The following OLFML2A variants were observed in gnomAD, a reference collection of about 807,000 sequenced individuals.
OLFML2A encodes the protein olfactomedin-like protein 2A.
Under a neutral mutation model 60.9 loss-of-function variants are expected in OLFML2A, and 47 were observed. The observed-to-expected ratio is 0.77, with a 90% confidence interval of 0.61 to 0.98. The LOEUF is 0.98. Among genes scored for constraint, OLFML2A ranks in the 50% least tolerant of loss-of-function variants. OLFML2A has a pLI of 0.00. For synonymous variants in OLFML2A, 372 were observed against 375.0 expected (o/e 0.99, Z 0.09); for missense variants, 922 against 879.8 (o/e 1.05, Z -0.61).
rs1842026994 is a variant in OLFML2A, at chr9:124,811,754, C to T, written c.*1342C>T. 1 of 152,232 alleles carries T rather than the reference C, an allele frequency of 6.6e-6. No individual in the cohort carries two copies. The highest frequency in any genetic ancestry group is 1.5e-5 in the Non-Finnish European group (1 of 68,060). 9.4% of individuals were successfully genotyped at this position (152,232 alleles called of 1,614,324 possible). On this transcript the variant is annotated 3_prime_UTR_variant, in exon 8 of 8. Transcript: ENST00000373580. ...CCCCAGAGCCTCAGACCCACACAGC[C>T]CAGAGGACGAGGCCTTCAAGCCTGC...
At chr9:124,806,598 ATGTTTATTTT>A (rs1841900535) in intron 6 of OLFML2A, among the ~76,000 whole-genome samples, 1 of 151,606 alleles carries the variant, frequency 6.6e-6, no homozygotes, top group East Asian at 1.9e-4. Context: ...TAAATTTTTA[ATGTTTATTTT>A]TATTTATTTT....
At position 124,814,258 on chromosome 9, in the gene OLFML2A, A is replaced by C. The variant is rs1842075945; in HGVS notation, c.*3846A>C. Reference sequence around the variant, plus strand: ...TAGCATTGGAAGCCGCTGTCATGACAGGACATGGCACTGGATGGCTGGCAG... The same window carrying C: ...TAGCATTGGAAGCCGCTGTCATGACCGGACATGGCACTGGATGGCTGGCAG... On this transcript the variant is annotated 3_prime_UTR_variant, in exon 8 of 8. Transcript: ENST00000373580. The C allele has an allele frequency of 3.3e-5, 5 of 152,408 alleles. No individual in the cohort carries two copies. In the South Asian group the frequency reaches 1.0e-3, roughly 32 times the overall value. The allele number at this position is 152,408 out of a possible 1,614,324, so 9.4% of individuals were successfully genotyped here. A position where few individuals can be genotyped will look rare whatever the true frequency, so the allele number is the denominator to read the frequency against.
rs1841321348 is a variant in OLFML2A at position 124,779,548 on chromosome 9, G to GA, written c.90+2188_90+2189insA. ...TTGCTAGGTTGTGTGTGTGTGTGGT[G>GA]GGGGGGGGGTGTTTAGCTGTCCCAG... is the stretch of plus-strand genomic sequence containing the variant. On this transcript the variant is annotated intron_variant, in intron 1 of 7. Coordinates refer to ENST00000373580, the MANE Select transcript of OLFML2A (RefSeq NM_182487.4). This position sits in a 1 kb window ranked among gnomAD's most constrained non-coding sequence, Gnocchi z 4.1. Among the ~76,000 whole-genome samples the GA allele has an allele frequency of 4.2e-5, 1 of 23,794 alleles. No homozygotes were observed. Among genetic ancestry groups the GA allele is most frequent in the Admixed American group, 5.9e-4 (1 of 1,696 alleles). The allele number at this position is 23,794 out of a possible 152,430, so 15.6% of individuals were successfully genotyped here.
chr9:124,777,272 TGGCCGCTGCCGCCCTCCCGCCCC>T lies in OLFML2A; in HGVS notation c.12_34del (p.Ala5_?12), dbSNP rs941269275. 8.4e-6 allele frequency: 10 copies of T among 1,187,622 alleles called. No homozygotes were observed. In the Admixed American group the frequency reaches 1.9e-4, roughly 23 times the overall value. 73.6% of individuals were successfully genotyped at this position (1,187,622 alleles called of 1,614,324 possible). A position where few individuals can be genotyped will look rare whatever the true frequency, so the allele number is the denominator to read the frequency against. ...TGTGCCTACCGTGCCCGTGGCGCCA[TGGCCGCTGCCGCCCTCCCGCCCC>T]GGCCGCTGCTCCTTCTGCCGCTAGT... On this transcript the variant is annotated frameshift_variant and start_lost, in exon 1 of 8. Transcript: ENST00000373580. LOFTEE classifies it high-confidence loss of function. This position sits in a 1 kb window ranked among gnomAD's most constrained non-coding sequence, Gnocchi z 6.2.
At chr9:124,784,966 T>TTTTTTTTTTTTTTG in intron 1 of OLFML2A, among the ~76,000 whole-genome samples, 1 of 130,854 alleles carries the variant, frequency 7.6e-6, no homozygotes, top group East Asian at 2.2e-4. Context: ...TTTTTTTTTT[T>TTTTTTTTTTTTTTG]TTTTTGAGAC....
intron 4 of OLFML2A, 74 bp from the exon 5 acceptor site, chr9:124,801,340 A>C: frequency 2.0e-6 from 3 of 1,514,178 alleles, no homozygotes; most frequent in Non-Finnish European, 2.7e-6. Flanking sequence ...CAGTCCCCAC[A>C]TGCTGAGCCC....
Position 124,795,059 on chromosome 9 carries a change from G to A in OLFML2A, c.390G>A (p.Leu130=). 2 of 1,608,572 alleles carry A rather than the reference G, an allele frequency of 1.2e-6. No homozygotes were observed. The highest frequency in any genetic ancestry group is 1.7e-6 in the Non-Finnish European group (2 of 1,177,268). The change falls in exon 3 of 8, where the codon CTG becomes CTA. Residue 130 remains leucine, a synonymous_variant. Coordinates refer to ENST00000373580, the MANE Select transcript of OLFML2A (RefSeq NM_182487.4). ...TGGTGGATCTCCTGGAGGGCACCCTGTACAGCATGGACTTGATGAAGGTGC... is the reference window on the plus strand; with the variant it reads ...TGGTGGATCTCCTGGAGGGCACCCTATACAGCATGGACTTGATGAAGGTGC... ...QSMVDLLEGT[L]YSMDLMKVHA... is the part of the protein sequence containing the mutation.
intron 6 of OLFML2A, among the ~76,000 whole-genome samples, chr9:124,806,756 C>T (rs1465651356): frequency 1.3e-5 from 2 of 151,810 alleles, no homozygotes; most frequent in African/African-American, 4.8e-5. Flanking sequence ...ACTACAGGCA[C>T]CCACCACCGC....
intron 6 of OLFML2A, 101 bp downstream of exon 6, chr9:124,804,443 G>A (rs1841849957): frequency 8.3e-7 from 1 of 1,208,252 alleles, no homozygotes; most frequent in Admixed American, 2.6e-5. Context: ...GCTTTTTATA[G>A]CTGAGCATGG....
chr9:124,811,972 C>T lies in OLFML2A; in HGVS notation c.*1560C>T, dbSNP rs1359219720. ...ATCCTTTATTCTCCGCACATGGAGG[C>T]TGCCCTACCTGGGAAGGCACCCCAG... On this transcript the variant is annotated 3_prime_UTR_variant, in exon 8 of 8. Transcript: ENST00000373580. The T allele has an allele frequency of 6.6e-6, 1 of 152,350 alleles. No individual in the cohort carries two copies. The highest frequency in any genetic ancestry group is 1.5e-5 in the Non-Finnish European group (1 of 68,182). 9.4% of individuals were successfully genotyped at this position (152,350 alleles called of 1,614,324 possible).
Position 124,777,685 on chromosome 9 carries a change from T to C in OLFML2A, c.90+325T>C, listed in dbSNP as rs1045135850. Among the ~76,000 whole-genome samples the C allele has an allele frequency of 6.6e-6, 1 of 152,098 alleles. No homozygotes were observed. The highest frequency in any genetic ancestry group is 2.4e-5 in the African/African-American group (1 of 41,420). ...ACTCGGGGTTCGTAGGGGAAGCTCC[T>C]GGCAACTGTTACCCAACGACTCCCA... is the stretch of plus-strand genomic sequence containing the variant. On this transcript the variant is annotated intron_variant, in intron 1 of 7. Coordinates refer to ENST00000373580, the MANE Select transcript of OLFML2A (RefSeq NM_182487.4). The surrounding 1 kb of genome is among the most constrained non-coding windows in gnomAD (Gnocchi z 6.2).
chr9:124,801,676 G>A lies in OLFML2A; in HGVS notation c.919+13G>A, dbSNP rs759260684. The stretch of plus-strand genomic sequence containing the variant: ...GAGGCGGTGGCAGGTGAGTAGGAGG[G>A]GAATGGGGACCCTGGGGAGTCAGGG... On this transcript the variant is annotated intron_variant, in intron 5 of 7. Transcript: ENST00000373580. 7.5e-6 allele frequency: 12 copies of A among 1,610,560 alleles called. No individual in the cohort carries two copies. Among genetic ancestry groups the A allele is most frequent in the Admixed American group, 1.7e-5 (1 of 59,922 alleles).
intron 6 of OLFML2A, among the ~76,000 whole-genome samples, chr9:124,805,129 T>C (rs1320734044): frequency 3.3e-5 from 5 of 152,372 alleles, no homozygotes; most frequent in Non-Finnish European, 7.3e-5. Context: ...TCAGCATTTA[T>C]AGTTTTGCTC....
rs1463289698 is a variant in OLFML2A at position 124,799,494 on chromosome 9, G to A, written c.669+3G>A. On this transcript the variant is annotated splice_donor_region_variant and intron_variant, in intron 4 of 7. Coordinates refer to ENST00000373580, the MANE Select transcript of OLFML2A (RefSeq NM_182487.4). ...CGGGCACTGGTAGCAAGGCCCAGGT[G>A]AGGCCCCAGCTCTGATCATGGGGCC... 2.1e-5 allele frequency: 33 copies of A among 1,581,844 alleles called. No homozygotes were observed. Among genetic ancestry groups the A allele is most frequent in the Non-Finnish European group, 2.6e-5 (30 of 1,164,788 alleles).
Sources: gnomAD v4.1 joint callset for allele counts (sites outside exome capture counted in the v4.1 genomes callset) on GRCh38, gnomAD v4.1.1 for gene constraint, Gnocchi (gnomAD v3.1) non-coding constraint, MANE v1.5 for transcripts, NCBI Gene and HGNC (gene_info 2026-07-23, HGNC 2026-07-21) for gene names.